Variants in PAK3 observed in about 807,000 individuals in gnomAD.
PAK3 encodes the protein serine/threonine-protein kinase PAK 3.
PAK3 carries 4 observed loss-of-function variants against 41.0 expected under a neutral mutation model. The observed-to-expected ratio is 0.10, with a 90% CI of 0.05 to 0.22. The LOEUF is 0.22. Ranked by LOEUF, PAK3 falls within the 10% of genes least tolerant of loss-of-function variation. PAK3 has a pLI of 1.00. For missense variants in PAK3, 205 were observed against 409.9 expected (o/e 0.50, Z 4.32); for synonymous variants, 146 against 139.6 (o/e 1.05, Z -0.32).
chrX:111,050,158 C>T (rs2092543501), intron 1 of PAK3, among the ~76,000 whole-genome samples: 1 of 111,436 alleles, frequency 9.0e-6, no homozygotes, highest in African/African-American at 3.3e-5. Context: ...CCAGGCACTT[C>T]CCCACAGTTC....
chrX:111,013,953 G>A (rs1457619108), intron 1 of PAK3: 1 of 111,798 alleles, frequency 8.9e-6, no homozygotes, highest in Non-Finnish European at 1.9e-5. Context: ...CAGCAGAAAT[G>A]TCCTCTTTGA....
At chrX:111,173,247 C>G (rs1358357557) in intron 11 of PAK3, among the ~76,000 whole-genome samples, 166 bp downstream of exon 11, 1 of 111,399 alleles carries the variant, frequency 9.0e-6, no homozygotes, top group Non-Finnish European at 1.9e-5. Context: ...GTGCTGACAA[C>G]AGTTACAACA....
intron 1 of PAK3, among the ~76,000 whole-genome samples, chrX:110,975,109 G>A (rs759162658): frequency 5.4e-5 from 6 of 111,933 alleles, no homozygotes; most frequent in East Asian, 5.6e-4. Flanking sequence ...TTCTGGCCAG[G>A]CCAATCAGGC....
intron 1 of PAK3, among the ~76,000 whole-genome samples, chrX:110,976,502 C>G (rs952958167): frequency 8.9e-6 from 1 of 112,235 alleles, no homozygotes; most frequent in African/African-American, 3.2e-5. Flanking sequence ...CACTTTTACA[C>G]TGTTGGTGAG....
At chrX:111,199,193 T>A (rs1049277204) in intron 16 of PAK3, among the ~76,000 whole-genome samples, 1 of 111,883 alleles carries the variant, frequency 8.9e-6, no homozygotes, top group African/African-American at 3.2e-5. Flanking sequence ...GAAACTTTGC[T>A]GAAGTTGTTT....
intron 16 of PAK3, among the ~76,000 whole-genome samples, chrX:111,213,293 A>G (rs761775005): frequency 2.7e-4 from 30 of 111,836 alleles, no homozygotes; most frequent in Admixed American, 1.5e-3. Context: ...CTGGCTCTTC[A>G]TTACTTCAGA....
chrX:110,959,390 T>C (rs2090932292), intron 1 of PAK3, among the ~76,000 whole-genome samples: 1 of 112,033 alleles, frequency 8.9e-6, no homozygotes, highest in African/African-American at 3.2e-5. Flanking sequence ...TACATGTTTC[T>C]GCTTTCTCTT....
In PAK3 at chrX:111,124,764, G is replaced by A. The variant is rs771539598; in HGVS notation, c.175+1486G>A. On this transcript the variant is annotated intron_variant, in intron 5 of 17. Transcript: ENST00000372007. ...AAACCCTCTCAGGGGAAATAAATGA[G>A]CCAAGTTTCCAGTGTACTAGCAAGC... Among the ~76,000 whole-genome samples the A allele has an allele frequency of 5.4e-5, 6 of 111,278 alleles. No individual in the cohort carries two copies. In the South Asian group the frequency reaches 2.3e-3, roughly 43 times the overall value.
intron 5 of PAK3, among the ~76,000 whole-genome samples, chrX:111,129,131 C>A (rs755754313): frequency 2.5e-4 from 28 of 111,586 alleles, no homozygotes; most frequent in African/African-American, 8.8e-4. Flanking sequence ...TCTTGTCAAT[C>A]AAATGTTTTG....
At chrX:111,084,767 T>G (rs1483237965) in intron 1 of PAK3, among the ~76,000 whole-genome samples, 1 of 112,597 alleles carries the variant, frequency 8.9e-6, no homozygotes, top group Admixed American at 9.4e-5. Context: ...ATGATACATT[T>G]TTCTTTCTAA....
chrX:111,054,064 T>C (rs143033716), intron 1 of PAK3, among the ~76,000 whole-genome samples: 1,947 of 111,870 alleles, frequency 0.017, 41 homozygotes, highest in African/African-American at 0.06. Flanking sequence ...GAGCTCTCAG[T>C]GGACTCTCCA....
At chrX:111,058,529 C>A (rs1178772913) in intron 1 of PAK3, among the ~76,000 whole-genome samples, 3 of 111,270 alleles carry the variant, frequency 2.7e-5, no homozygotes, top group African/African-American at 9.8e-5. Context: ...ATTGTGTTAT[C>A]TTTCTTATGG....
intron 1 of PAK3, among the ~76,000 whole-genome samples, chrX:111,040,438 C>T (rs1439689776): frequency 2.7e-5 from 3 of 111,724 alleles, no homozygotes; most frequent in Non-Finnish European, 5.6e-5. Flanking sequence ...AATATAGATA[C>T]ATTTTATATA....
chrX:111,155,116 A>G (rs1227131370), intron 8 of PAK3, among the ~76,000 whole-genome samples: 1 of 111,668 alleles, frequency 9.0e-6, no homozygotes, highest in Non-Finnish European at 1.9e-5. Flanking sequence ...TATTTAACAT[A>G]TATTTACCAA....
intron 4 of PAK3, among the ~76,000 whole-genome samples, chrX:111,104,023 A>G (rs1394298499): frequency 8.9e-6 from 1 of 112,343 alleles, no homozygotes; most frequent in Non-Finnish European, 1.9e-5. Flanking sequence ...ACAGATCTCT[A>G]GTCTCCCTTA....
chrX:111,011,028 G>A (rs969706138), intron 1 of PAK3, among the ~76,000 whole-genome samples: 9 of 112,049 alleles, frequency 8.0e-5, no homozygotes, highest in Non-Finnish European at 1.9e-5. Flanking sequence ...TTGAGATGCA[G>A]ATTAACTTGA....
At chrX:111,068,246 C>T (rs2092715605) in intron 1 of PAK3, among the ~76,000 whole-genome samples, 1 of 111,291 alleles carries the variant, frequency 9.0e-6, no homozygotes, top group Non-Finnish European at 1.9e-5. Context: ...TTCTATTTAA[C>T]AGTTTTCTGT....
chrX:111,147,528 T>C (rs748247833), intron 6 of PAK3, among the ~76,000 whole-genome samples: 1 of 111,110 alleles, frequency 9.0e-6, no homozygotes, highest in East Asian at 2.8e-4. Context: ...CCTTTTTAAG[T>C]TGGATCCTAG....
At chrX:111,170,867 T>A (rs928310425) in intron 10 of PAK3, among the ~76,000 whole-genome samples, 1 of 111,156 alleles carries the variant, frequency 9.0e-6, no homozygotes, top group African/African-American at 3.3e-5. Context: ...GCTAGACTGG[T>A]TAGATAGGAG....
Sources: allele counts gnomAD v4.1 joint callset (sites outside exome capture counted in the v4.1 genomes callset), GRCh38; gene constraint gnomAD v4.1.1; transcripts MANE v1.5; gene names NCBI Gene and HGNC (gene_info 2026-07-23, HGNC 2026-07-21).